ERC2: variants seen among roughly 807,000 people sequenced by gnomAD.
ERC2 encodes ELKS/RAB6-interacting/CAST family member 2, also known as ERC protein 2.
In ERC2, 42 loss-of-function variants were observed where a neutral mutation model predicts 114.8. The ratio of observed to expected loss-of-function variants is 0.37; its 90% CI spans 0.29 to 0.47. The LOEUF is 0.47. Ranked by LOEUF, ERC2 falls within the 20% of genes least tolerant of loss-of-function variation. The pLI is 0.99. For missense variants in ERC2, 939 were observed against 1,150.7 expected, an observed-to-expected ratio of 0.82 and a Z score of 2.66; for synonymous variants, 454 against 425.5, an observed-to-expected ratio of 1.07 and a Z score of -0.82.
chr3:55,934,525 TC>T (rs761988655), intron 13 of ERC2, among the ~76,000 whole-genome samples: 1 of 152,082 alleles, frequency 6.6e-6, no homozygotes, highest in Non-Finnish European at 1.5e-5. Context: ...GAGTAAGCAA[TC>T]TCAAAATCAC....
chr3:55,646,887 T>G (rs1032211683), intron 17 of ERC2: 1 of 152,186 alleles, frequency 6.6e-6, no homozygotes, highest in Admixed American at 6.5e-5. Flanking sequence ...CGGTAATAAG[T>G]GAAAAATCAG....
chr3:55,593,908 C>T (rs147675286), intron 17 of ERC2, among the ~76,000 whole-genome samples: 440 of 152,250 alleles, frequency 2.9e-3, no homozygotes, highest in Non-Finnish European at 3.7e-3. Flanking sequence ...AAGTATTCCT[C>T]GACTCTCCAT....
At chr3:56,410,509 G>T (rs2060901377) in intron 2 of ERC2, among the ~76,000 whole-genome samples, 1 of 152,226 alleles carries the variant, frequency 6.6e-6, no homozygotes, top group Non-Finnish European at 1.5e-5. Context: ...CACCATGGGA[G>T]AAACAGTAAA....
At chr3:55,699,339 G>A (rs377614547) in intron 16 of ERC2, 39 bp downstream of exon 16, 2 of 1,611,674 alleles carry the variant, frequency 1.2e-6, no homozygotes, top group Non-Finnish European at 1.7e-6. Flanking sequence ...TATCTAAAGG[G>A]TAAAAGGGGT....
At chr3:55,683,734 C>G in intron 17 of ERC2, 60 bp downstream of exon 17, 1 of 1,355,286 alleles carries the variant, frequency 7.4e-7, no homozygotes, top group East Asian at 2.4e-5. Flanking sequence ...CGAGCACGCA[C>G]ACAATACAAC....
At chr3:55,548,013 T>C (rs1199957378) in intron 17 of ERC2, among the ~76,000 whole-genome samples, 4 of 152,194 alleles carry the variant, frequency 2.6e-5, no homozygotes, top group Admixed American at 1.3e-4. Flanking sequence ...AGCCCGGAGT[T>C]GAAGATGCCT....
chr3:55,978,236 G>C (rs2069754437), intron 12 of ERC2, among the ~76,000 whole-genome samples: 1 of 152,154 alleles, frequency 6.6e-6, no homozygotes, highest in African/African-American at 2.4e-5. Flanking sequence ...TGGATCTCTA[G>C]TTCCAGGAAA....
At chr3:55,988,881 C>T (rs956845405) in intron 11 of ERC2, among the ~76,000 whole-genome samples, 1 of 152,154 alleles carries the variant, frequency 6.6e-6, no homozygotes, top group Non-Finnish European at 1.5e-5. Context: ...GACAATATTG[C>T]CCAATTTGAA....
At chr3:55,735,684 T>A (rs1473285011) in intron 14 of ERC2, among the ~76,000 whole-genome samples, 1 of 152,110 alleles carries the variant, frequency 6.6e-6, no homozygotes, top group Non-Finnish European at 1.5e-5. Context: ...GGGGGATACA[T>A]TCAAACTATA....
At chr3:56,051,463 T>A (rs1427839505) in intron 7 of ERC2, among the ~76,000 whole-genome samples, 1 of 152,128 alleles carries the variant, frequency 6.6e-6, no homozygotes, top group Non-Finnish European at 1.5e-5. Flanking sequence ...CTTTGGTCAC[T>A]TGTAAGATAC....
At chr3:56,364,079 T>C (rs539407888) in intron 2 of ERC2, among the ~76,000 whole-genome samples, 29 of 152,326 alleles carry the variant, frequency 1.9e-4, no homozygotes, top group Middle Eastern at 3.4e-3. Flanking sequence ...TGCTGCTAAA[T>C]TTAAAAGTAG....
chr3:56,324,949 A>AGTTCTTT (rs1393660128), intron 2 of ERC2, among the ~76,000 whole-genome samples: 16 of 151,296 alleles, frequency 1.1e-4, no homozygotes, highest in Non-Finnish European at 1.5e-4. Flanking sequence ...CTCAGTTTTC[A>AGTTCTTT]GTTCTTTGTT....
At chr3:55,895,065 A>AGCT in intron 13 of ERC2, among the ~76,000 whole-genome samples, 1 of 152,164 alleles carries the variant, frequency 6.6e-6, no homozygotes, top group Admixed American at 6.5e-5. Context: ...CCTCCTTCAC[A>AGCT]GCTTGCAGCG....
At chr3:56,233,937 G>A (rs1258794001) in intron 3 of ERC2, among the ~76,000 whole-genome samples, 1 of 152,132 alleles carries the variant, frequency 6.6e-6, no homozygotes, top group Non-Finnish European at 1.5e-5. Context: ...GGGCTCACTT[G>A]TATAATCTAG....
chr3:55,983,113 T>C (rs1258127062), intron 12 of ERC2, among the ~76,000 whole-genome samples: 1 of 152,082 alleles, frequency 6.6e-6, no homozygotes, highest in Non-Finnish European at 1.5e-5. Context: ...CTCCCTCTTC[T>C]CCAAGAGGGG....
Position 55,786,519 on chromosome 3 carries a change from G to C in ERC2, c.2565-51601C>G, listed in dbSNP as rs73076953. On this transcript the variant is annotated intron_variant, in intron 14 of 17. Transcript: ENST00000288221. ...TATATATAATTGTATCTACAGTGTT[G>C]TGACACTTACTATGAACCAAGCACT... is the stretch of plus-strand genomic sequence containing the variant. Among the ~76,000 whole-genome samples, 1,274 of 152,284 alleles carry C rather than the reference G, an allele frequency of 8.4e-3. 7 individuals carry two copies. The highest frequency in any genetic ancestry group is 0.012 in the Non-Finnish European group (792 of 68,020).
At chr3:55,656,717 G>A (rs1487262624) in intron 17 of ERC2, among the ~76,000 whole-genome samples, 1 of 152,110 alleles carries the variant, frequency 6.6e-6, no homozygotes, top group East Asian at 1.9e-4. Flanking sequence ...AAGTCACAGG[G>A]GAAACCAAGT....
chr3:55,733,472 AC>A (rs2065398555), intron 15 of ERC2, among the ~76,000 whole-genome samples: 1 of 147,994 alleles, frequency 6.8e-6, no homozygotes, highest in East Asian at 2.0e-4. Flanking sequence ...TCTCACACAC[AC>A]ACACACACAC....
intron 4 of ERC2, among the ~76,000 whole-genome samples, chr3:56,159,883 C>A (rs1560279182): frequency 6.6e-6 from 1 of 152,118 alleles, no homozygotes; most frequent in Admixed American, 6.6e-5. Context: ...CGTATACATA[C>A]TAAGCGTTCT....
Sources: allele counts gnomAD v4.1 joint callset (sites outside exome capture counted in the v4.1 genomes callset), GRCh38; gene constraint gnomAD v4.1.1; transcripts MANE v1.5; gene names NCBI Gene and HGNC (gene_info 2026-07-23, HGNC 2026-07-21).